The following DPP10 variants were observed in gnomAD, a reference collection of about 807,000 sequenced individuals.
DPP10 encodes the protein dipeptidyl peptidase like 10, also known as inactive dipeptidyl peptidase 10.
In DPP10, 33 loss-of-function variants were observed where a neutral mutation model predicts 120.9. The observed-to-expected ratio is 0.27, with a 90% CI of 0.21 to 0.37. The LOEUF is 0.37. Ranked by LOEUF, DPP10 falls within the 10% of genes least tolerant of loss-of-function variation. The pLI, the probability that DPP10 is intolerant of heterozygous loss-of-function variation, is 1.00. For synonymous variants in DPP10, 337 were observed against 326.1 expected (o/e 1.03, Z -0.36); for missense variants, 816 against 942.8 (o/e 0.87, Z 1.76).
chr2:115,642,279 G>T (rs1558967710), intron 5 of DPP10, among the ~76,000 whole-genome samples: 1 of 151,834 alleles, frequency 6.6e-6, no homozygotes, highest in Admixed American at 6.6e-5. Context: ...ACATTCCTCT[G>T]GATGTCTCTG....
At chr2:114,835,814 C>T (rs950908684) in intron 1 of DPP10, among the ~76,000 whole-genome samples, 2 of 152,134 alleles carry the variant, frequency 1.3e-5, no homozygotes, top group Admixed American at 1.3e-4. Context: ...TATTGTGTTT[C>T]TAATCTTCTC....
At position 115,020,844 on chromosome 2, in the gene DPP10, T is replaced by A. The variant is rs942998120; in HGVS notation, c.61-288395T>A. 2.0e-5 allele frequency among the ~76,000 whole-genome samples: 3 copies of A among 152,046 alleles called. No individual in the cohort carries two copies. In the South Asian group the frequency reaches 6.2e-4, roughly 31 times the overall value. On this transcript the variant is annotated intron_variant, in intron 1 of 25. Transcript: ENST00000410059. The stretch of plus-strand genomic sequence containing the variant: ...TCTCTGAGACCACAGTCGAATACAA[T>A]TGGAAATCAACTCCAGAAGAAACCC...
intron 3 of DPP10, among the ~76,000 whole-genome samples, chr2:115,451,253 T>C: frequency 6.6e-6 from 1 of 151,910 alleles, no homozygotes; most frequent in Non-Finnish European, 1.5e-5. Flanking sequence ...TTATTAAGGA[T>C]GAATAATTAG....
intron 5 of DPP10, among the ~76,000 whole-genome samples, chr2:115,631,078 T>G (rs190091790): frequency 1.1e-3 from 159 of 147,556 alleles, no homozygotes; most frequent in African/African-American, 3.8e-3. Context: ...TGTAGGCTAT[T>G]AATTAGTGTC....
At chr2:114,913,554 A>G (rs1694545067) in intron 1 of DPP10, among the ~76,000 whole-genome samples, 1 of 152,200 alleles carries the variant, frequency 6.6e-6, no homozygotes, top group Non-Finnish European at 1.5e-5. Context: ...CTTATACCAC[A>G]GCCAAAAGCA....
intron 3 of DPP10, among the ~76,000 whole-genome samples, chr2:115,390,592 C>T (rs1490562586): frequency 2.0e-5 from 3 of 151,932 alleles, no homozygotes; most frequent in African/African-American, 7.3e-5. Context: ...CTCAGCATAC[C>T]AATTTTCCCT....
At chr2:115,729,948 T>A (rs531628095) in intron 8 of DPP10, among the ~76,000 whole-genome samples, 1 of 152,204 alleles carries the variant, frequency 6.6e-6, no homozygotes, top group Non-Finnish European at 1.5e-5. Flanking sequence ...GGAACCAAAG[T>A]CTCCTTGATA....
intron 1 of DPP10, among the ~76,000 whole-genome samples, chr2:114,684,879 A>T (rs1699264308): frequency 6.6e-6 from 1 of 151,964 alleles, no homozygotes; most frequent in African/African-American, 2.4e-5. Flanking sequence ...TGTAGAATTG[A>T]GGAGATGCTA....
At chr2:114,928,567 T>A (rs1695816666) in intron 1 of DPP10, among the ~76,000 whole-genome samples, 1 of 152,116 alleles carries the variant, frequency 6.6e-6, no homozygotes, top group Non-Finnish European at 1.5e-5. Flanking sequence ...TGTCATGGGT[T>A]GGAGTAGAAT....
chr2:115,035,436 C>A (rs1212925528), intron 1 of DPP10, among the ~76,000 whole-genome samples: 1 of 152,130 alleles, frequency 6.6e-6, no homozygotes, highest in Admixed American at 6.6e-5. Flanking sequence ...TATGTAATAG[C>A]TAATCATAAC....
At chr2:114,478,792 A>T (rs1680754443) in intron 1 of DPP10, among the ~76,000 whole-genome samples, 1 of 151,240 alleles carries the variant, frequency 6.6e-6, no homozygotes, top group Admixed American at 6.6e-5. Flanking sequence ...ACATACAACA[A>T]TCAAAATTTG....
intron 1 of DPP10, among the ~76,000 whole-genome samples, chr2:114,451,306 C>T (rs1573380272): frequency 6.6e-6 from 1 of 152,038 alleles, no homozygotes; most frequent in African/African-American, 2.4e-5. Flanking sequence ...CTCGTTCTCT[C>T]ATTGTTACAG....
chr2:114,523,100 C>G (rs1347917190), intron 1 of DPP10, among the ~76,000 whole-genome samples: 1 of 152,128 alleles, frequency 6.6e-6, no homozygotes, highest in Non-Finnish European at 1.5e-5. Flanking sequence ...GTGAGTGCTC[C>G]TTAGAGGAAG....
At chr2:115,739,944 G>A in intron 9 of DPP10, 51 bp downstream of exon 9, 1 of 1,579,894 alleles carries the variant, frequency 6.3e-7, no homozygotes, top group Non-Finnish European at 8.7e-7. Context: ...CTGCACTAGT[G>A]ACTTGACAGA....
intron 3 of DPP10, among the ~76,000 whole-genome samples, chr2:115,356,622 GT>G (rs2064411255): frequency 6.6e-6 from 1 of 152,064 alleles, no homozygotes; most frequent in East Asian, 1.9e-4. Context: ...GGGCATCCTT[GT>G]TTTTAACCAG....
intron 3 of DPP10, among the ~76,000 whole-genome samples, chr2:115,498,389 C>T (rs1441253963): frequency 2.6e-5 from 4 of 152,136 alleles, no homozygotes; most frequent in African/African-American, 9.6e-5. Flanking sequence ...AAGTGTCAGA[C>T]ACCTTTTCGT....
intron 1 of DPP10, among the ~76,000 whole-genome samples, chr2:114,925,188 G>C (rs1306257818): frequency 1.5e-5 from 2 of 132,764 alleles, no homozygotes; most frequent in South Asian, 5.1e-4. Flanking sequence ...TCCAGCCTGG[G>C]CAACAGAGCA....
intron 1 of DPP10, among the ~76,000 whole-genome samples, chr2:115,084,909 A>T (rs1350671074): frequency 6.6e-6 from 1 of 152,228 alleles, no homozygotes; most frequent in Non-Finnish European, 1.5e-5. Flanking sequence ...TTTCTAGGAA[A>T]AGGGCTTATT....
intron 1 of DPP10, among the ~76,000 whole-genome samples, chr2:114,876,836 AC>A (rs747354132): frequency 1.3e-5 from 2 of 152,054 alleles, no homozygotes; most frequent in Admixed American, 6.6e-5. Flanking sequence ...AATTCACAAG[AC>A]CCATTGCGAA....
Sources: gnomAD v4.1 joint callset for allele counts (sites outside exome capture counted in the v4.1 genomes callset) on GRCh38, gnomAD v4.1.1 for gene constraint, MANE v1.5 for transcripts, NCBI Gene and HGNC (gene_info 2026-07-23, HGNC 2026-07-21) for gene names.